The following FANCB variants were observed in gnomAD, a reference collection of about 807,000 sequenced individuals.
FANCB encodes the protein FA complementation group B, also known as Fanconi anemia group B protein.
A neutral mutation model predicts 38.9 loss-of-function variants in FANCB; 5 were observed. The ratio of observed to expected loss-of-function variants is 0.13; its 90% CI spans 0.07 to 0.27. FANCB has a LOEUF of 0.27. Among genes scored for constraint, FANCB ranks in the 10% least tolerant of loss-of-function variants. The probability of loss-of-function intolerance (pLI) is 1.00; values close to 1 mark genes in which losing one functional copy is unlikely to be tolerated. For synonymous variants in FANCB, 236 were observed against 215.4 expected (o/e 1.10, Z -0.84); for missense variants, 573 against 602.7 (o/e 0.95, Z 0.52).
At chrX:14,716,998 A>G in the FANCB span, among the ~76,000 whole-genome samples, 1 of 110,842 alleles carries the variant, frequency 9.0e-6, no homozygotes, top group African/African-American at 3.3e-5. Context: ...TATGCCTCCT[A>G]TTATACTCTA....
chrX:14,835,064 C>T, downstream of FANCB: 1 of 565,217 alleles, frequency 1.8e-6, no homozygotes. Context: ...CAAGGGAAAG[C>T]TTTGGCTGTA....
intron 5 of FANCB, among the ~76,000 whole-genome samples, chrX:14,854,247 GT>G (rs2092413907): frequency 9.0e-6 from 1 of 111,302 alleles, no homozygotes; most frequent in Non-Finnish European, 1.9e-5. Context: ...TCAAAGGTAT[GT>G]AGCCACAACT....
Position 14,872,314 on chromosome X carries a change from C to A in FANCB, c.-192+672G>T, listed in dbSNP as rs776993574. Among the ~76,000 whole-genome samples the A allele has an allele frequency of 4.4e-5, 5 of 112,490 alleles. No homozygotes were observed. In the Admixed American group the frequency reaches 4.7e-4, roughly 11 times the overall value. On this transcript the variant is annotated intron_variant, in intron 1 of 9. Transcript: ENST00000650831. ...ATGGAAATATGGGGGACTATTCTTA[C>A]AACTTGTTTGTAGTTTTCAGTATCT...
the FANCB span, among the ~76,000 whole-genome samples, chrX:14,820,921 G>T: frequency 9.0e-6 from 1 of 111,544 alleles, no homozygotes; most frequent in East Asian, 2.8e-4. Context: ...TTTTTAAAAT[G>T]ATTTTGGATG....
chrX:14,720,708 G>T, the FANCB span, among the ~76,000 whole-genome samples: 1 of 111,596 alleles, frequency 9.0e-6, no homozygotes, highest in Non-Finnish European at 1.9e-5. Context: ...TATAAGAAGG[G>T]GCACTTGTTT....
the FANCB span, among the ~76,000 whole-genome samples, chrX:14,707,757 G>GGTGT: frequency 0.013 from 1,392 of 106,171 alleles, 35 homozygotes; most frequent in African/African-American, 0.045. Context: ...CAGCAAAAAA[G>GGTGT]GTGTGTGTGT....
chrX:14,730,680 T>G, the FANCB span: 1 of 416,394 alleles, frequency 2.4e-6, no homozygotes, highest in African/African-American at 2.5e-5. Flanking sequence ...TGCACAAAAT[T>G]AAGGGGTTGC....
At chrX:14,765,246 A>G in the FANCB span, among the ~76,000 whole-genome samples, 1 of 111,539 alleles carries the variant, frequency 9.0e-6, no homozygotes, top group Admixed American at 9.5e-5. Flanking sequence ...TGACATTTTA[A>G]TTGCAACTTT....
downstream of FANCB, among the ~76,000 whole-genome samples, chrX:14,833,451 C>T (rs2092332422): frequency 8.9e-6 from 1 of 112,164 alleles, no homozygotes; most frequent in Admixed American, 9.4e-5. Flanking sequence ...TCTCAGGCAC[C>T]ACCCTAGACT....
the FANCB span, among the ~76,000 whole-genome samples, chrX:14,694,708 A>G: frequency 8.9e-6 from 1 of 112,548 alleles, no homozygotes; most frequent in African/African-American, 3.2e-5. Flanking sequence ...ACTTCTTACT[A>G]TGTGCCAGGC....
chrX:14,744,457 A>T, the FANCB span, among the ~76,000 whole-genome samples: 1 of 112,493 alleles, frequency 8.9e-6, no homozygotes, highest in African/African-American at 3.2e-5. Context: ...GCACTAAAAC[A>T]GCCTATATTC....
At chrX:14,812,595 C>A in the FANCB span, among the ~76,000 whole-genome samples, 2 of 110,497 alleles carry the variant, frequency 1.8e-5, no homozygotes, top group Non-Finnish European at 3.8e-5. Context: ...GACACATAGA[C>A]CCTCCCAAGA....
chrX:14,739,541 G>C, the FANCB span, among the ~76,000 whole-genome samples: 110 of 112,219 alleles, frequency 9.8e-4, no homozygotes, highest in African/African-American at 3.4e-3. Context: ...TGTCAAAAGA[G>C]AGCCCAGAAT....
chrX:14,689,733 G>A, the FANCB span, among the ~76,000 whole-genome samples: 2 of 111,991 alleles, frequency 1.8e-5, no homozygotes, highest in African/African-American at 6.5e-5. Flanking sequence ...AATTAGAACT[G>A]AATAGTACAC....
At chrX:14,840,548 C>T (rs768062886), downstream of FANCB, among the ~76,000 whole-genome samples, 1 of 111,765 alleles carries the variant, frequency 8.9e-6, no homozygotes, top group Non-Finnish European at 1.9e-5. Context: ...CTGGACAAAA[C>T]GAGAGTTTCA....
the FANCB span, among the ~76,000 whole-genome samples, chrX:14,801,638 A>G: frequency 2.7e-4 from 30 of 110,998 alleles, no homozygotes; most frequent in Non-Finnish European, 5.3e-4. Context: ...CCGTGTGTGC[A>G]TGTGTGTGTG....
At chrX:14,796,320 T>C in the FANCB span, among the ~76,000 whole-genome samples, 2 of 107,543 alleles carry the variant, frequency 1.9e-5, no homozygotes, top group Non-Finnish European at 3.8e-5. Flanking sequence ...GAAAGCTGTA[T>C]TAGTCAGAGT....
At chrX:14,731,615 C>T in the FANCB span, 2 of 111,470 alleles carry the variant, frequency 1.8e-5, no homozygotes, top group Admixed American at 9.6e-5. Context: ...TTTCATAACC[C>T]GTTGCCTTTT....
At chrX:14,864,415 A>C (rs1360140375) in intron 3 of FANCB, 145 bp downstream of exon 3, 2 of 471,203 alleles carry the variant, frequency 4.2e-6, no homozygotes, top group Admixed American at 7.2e-5. Context: ...CTTAAGAAAA[A>C]AGAACAATGT....
Sources: gnomAD v4.1 joint callset for allele counts (sites outside exome capture counted in the v4.1 genomes callset) on GRCh38, gnomAD v4.1.1 for gene constraint, MANE v1.5 for transcripts, NCBI Gene and HGNC (gene_info 2026-07-23, HGNC 2026-07-21) for gene names.